DSCC1: variants seen among roughly 807,000 people sequenced by gnomAD.
DSCC1 encodes the protein DNA replication and sister chromatid cohesion 1.
A neutral mutation model predicts 48.2 loss-of-function variants in DSCC1; 32 were observed. That is an observed-to-expected ratio of 0.66 (90% CI 0.50 to 0.89). DSCC1 has a LOEUF of 0.89. DSCC1 is among the 40% of genes least tolerant of loss of function. The probability of loss-of-function intolerance (pLI) is 0.00; values close to 1 mark genes in which losing one functional copy is unlikely to be tolerated. For synonymous variants in DSCC1, 150 were observed against 171.5 expected (o/e 0.87, Z 0.98); for missense variants, 421 against 471.7 (o/e 0.89, Z 1.00).
intron 3 of DSCC1, among the ~76,000 whole-genome samples, chr8:119,849,456 T>C (rs1372254495): frequency 6.6e-6 from 1 of 152,090 alleles, no homozygotes; most frequent in Non-Finnish European, 1.5e-5. Flanking sequence ...TAAATGAACC[T>C]TGAAATGATC....
intron 7 of DSCC1, among the ~76,000 whole-genome samples, chr8:119,840,572 G>T (rs2131296146): frequency 6.6e-6 from 1 of 152,332 alleles, no homozygotes; most frequent in East Asian, 1.9e-4. Flanking sequence ...TATAGGCCAA[G>T]ACATGAATTC....
chr8:119,837,508 C>A (rs1005076681), intron 8 of DSCC1, among the ~76,000 whole-genome samples: 4 of 152,092 alleles, frequency 2.6e-5, no homozygotes, highest in African/African-American at 9.7e-5. Flanking sequence ...AGAAGAAGCT[C>A]CAAGGGTAGA....
In DSCC1 at chr8:119,850,460, C is replaced by A; in HGVS notation, c.408G>T (p.Lys136Asn). ...TTTCCATCAAAAGTTTCTTTAGCTT[C>A]TTTAACTTGGGTCTACGTCTTCTTA... ...WELRRRRPKL[K>N]KLKKLLMENP... The change falls in exon 3 of 9, where the codon AAG becomes AAT. Residue 136 changes from lysine (K) to asparagine (N), a missense_variant. This residue lies in a region of DSCC1 where 174 missense variants were observed against 184.5 expected (regional missense o/e 0.94). Coordinates refer to ENST00000313655, the MANE Select transcript of DSCC1 (RefSeq NM_024094.3). The A allele has an allele frequency of 6.2e-7, 1 of 1,601,210 alleles. No homozygotes were observed. Among genetic ancestry groups the A allele is most frequent in the Non-Finnish European group, 8.5e-7 (1 of 1,175,382 alleles).
chr8:119,841,878 C>T lies in DSCC1; in HGVS notation c.840G>A (p.Ala280=). The change falls in exon 7 of 9, where the codon GCG becomes GCA. Residue 280 remains alanine, a synonymous_variant. Coordinates refer to ENST00000313655, the MANE Select transcript of DSCC1 (RefSeq NM_024094.3). ...RAAARMLLQN[A]VKFNLAEFQE... ...GAAACTCAGCGAGATTGAATTTCACCGCATTCTGAAGTAGCATTCGTGCTG... is the reference window on the plus strand; with the variant it reads ...GAAACTCAGCGAGATTGAATTTCACTGCATTCTGAAGTAGCATTCGTGCTG... 2 of 1,614,108 alleles carry T rather than the reference C, an allele frequency of 1.2e-6. No homozygotes were observed. Among genetic ancestry groups the T allele is most frequent in the Non-Finnish European group, 1.7e-6 (2 of 1,180,020 alleles).
intron 1 of DSCC1, 137 bp downstream of exon 1, chr8:119,855,477 C>T: frequency 8.0e-7 from 1 of 1,252,746 alleles, no homozygotes; most frequent in Non-Finnish European, 1.1e-6. Context: ...GTGGACTCCT[C>T]GGGAACAGGC....
chr8:119,847,179 C>T (rs1381818186), intron 3 of DSCC1, 99 bp from the exon 4 acceptor site: 2 of 951,986 alleles, frequency 2.1e-6, no homozygotes, highest in South Asian at 1.5e-5. Context: ...CAGATTAAGG[C>T]AATATTTATG....
chr8:119,845,157 C>T (rs2131302331), intron 4 of DSCC1, among the ~76,000 whole-genome samples: 1 of 152,130 alleles, frequency 6.6e-6, no homozygotes, highest in South Asian at 2.1e-4. Flanking sequence ...ACGATCTCAG[C>T]TCACTGCAAC....
chr8:119,851,768 C>T (rs1239911239), intron 2 of DSCC1, among the ~76,000 whole-genome samples: 5 of 152,088 alleles, frequency 3.3e-5, no homozygotes, highest in African/African-American at 1.2e-4. Context: ...TATTTCTCAT[C>T]TAACCCCTTT....
At chr8:119,842,392 C>G (rs879920195) in intron 6 of DSCC1, among the ~76,000 whole-genome samples, 1 of 72,960 alleles carries the variant, frequency 1.4e-5, no homozygotes, top group Non-Finnish European at 2.9e-5. Flanking sequence ...TTTTTTTTTT[C>G]TTTCTGAGAG....
Position 119,838,278 on chromosome 8 carries a change from C to T in DSCC1, c.1054G>A (p.Asp352Asn). ...FSLREKWTEE[D>N]IAPYIQDLCG... The stretch of plus-strand genomic sequence containing the variant: ...ACTTACTGAATATATGGAGCAATAT[C>T]TTCTTCTGTCCACTTCTCCCTTAGA... The change falls in exon 8 of 9, where the codon GAT (aspartate) becomes AAT (asparagine). Residue 352 changes from aspartate to asparagine, a missense_variant. Asp to Asn is a conservative substitution (Grantham distance 23, BLOSUM62 1). Around this residue, in one of 3 missense-constraint regions of DSCC1, gnomAD observed 238 missense variants for 259.0 expected, o/e 0.92. Transcript: ENST00000313655. The T allele has an allele frequency of 6.3e-7, 1 of 1,596,062 alleles. No individual in the cohort carries two copies. The highest frequency in any genetic ancestry group is 1.3e-5 in the African/African-American group (1 of 74,328).
intron 7 of DSCC1, among the ~76,000 whole-genome samples, chr8:119,841,116 C>T (rs972837268): frequency 6.6e-6 from 1 of 151,654 alleles, no homozygotes; most frequent in Non-Finnish European, 1.5e-5. Flanking sequence ...CTCAGTCTCC[C>T]GAGTAACTAG....
In DSCC1 at chr8:119,853,183, G is replaced by A. The variant is rs771421954; in HGVS notation, c.215C>T (p.Ala72Val). ...LVIRGDKDEQAVLCSKDKTYD... is the reference protein window; with the variant it reads ...LVIRGDKDEQVVLCSKDKTYD... ...TGTTTTGTCTTTACTGCACAGCACAGCTTGCTCGTCTTTATCACCACGAAT... is the reference window on the plus strand; with the variant it reads ...TGTTTTGTCTTTACTGCACAGCACAACTTGCTCGTCTTTATCACCACGAAT... Residue 72 changes from alanine to valine, a missense_variant, in exon 2 of 9, where the codon GCT becomes GTT. By Grantham distance (64) the Ala-to-Val change is moderately conservative (BLOSUM62 0). Coordinates refer to ENST00000313655, the MANE Select transcript of DSCC1 (RefSeq NM_024094.3). 3.1e-6 allele frequency: 5 copies of A among 1,611,876 alleles called. No homozygotes were observed. In the South Asian group the frequency reaches 4.4e-5, roughly 14 times the overall value.
intron 2 of DSCC1, 122 bp downstream of exon 2, chr8:119,852,925 A>G (rs1826961780): frequency 3.4e-6 from 3 of 877,756 alleles, no homozygotes; most frequent in Non-Finnish European, 4.8e-6. Context: ...AAATTTCTTT[A>G]AAGAACTTCT....
Position 119,855,626 on chromosome 8 carries a change from T to A in DSCC1, c.170A>T (p.Glu57Val). ...ELEPTLCQQL[E>V]DGHSLVIRGD... The stretch of plus-strand genomic sequence containing the variant: ...GACCAGGGCTCACCTGTGTCCATCC[T>A]CCAGCTGCTGGCACAGCGTGGGCTC... The change falls in exon 1 of 9, where the codon GAG (glutamate) becomes GTG (valine). Residue 57 changes from glutamate to valine, a missense_variant. Physicochemically the swap from Glu to Val is moderately radical, Grantham distance 121 (BLOSUM62 -2). Around this residue, in one of 3 missense-constraint regions of DSCC1, gnomAD observed 174 missense variants for 184.5 expected, o/e 0.94. Transcript: ENST00000313655. 6.5e-7 allele frequency: 1 copy of A among 1,545,360 alleles called. No individual in the cohort carries two copies. Among genetic ancestry groups the A allele is most frequent in the African/African-American group, 1.4e-5 (1 of 72,794 alleles).
At chr8:119,853,293 CTCTAGGCTTGCAGAACTTAGAAT>C (rs113328525) in intron 1 of DSCC1, 78 bp from the exon 2 acceptor site, 44,314 of 1,444,864 alleles carry the variant, frequency 0.031, 1,411 homozygotes, top group South Asian at 0.13. Flanking sequence ...TTCTCAAACC[CTCTAGGCTTGCAGAACTTAGAAT>C]TAAGTTTTGA....
In DSCC1 at chr8:119,842,815, G is replaced by A. The variant is rs1826793002; in HGVS notation, c.730C>T (p.His244Tyr). Residue 244 changes from histidine to tyrosine, a missense_variant, in exon 6 of 9, where the codon CAC (histidine) becomes TAC (tyrosine). Transcript: ENST00000313655. Reference protein sequence around the residue: ...GPLEPEEMIEHCLKCYGKKYV... With the variant: ...GPLEPEEMIEYCLKCYGKKYV... The stretch of plus-strand genomic sequence containing the variant: ...TTCTTCCCATAACATTTAAGACAGT[G>A]TTCTATCATTTCCCTGAAAAATTTA... The A allele has an allele frequency of 6.3e-7, 1 of 1,594,662 alleles. No homozygotes were observed. The highest frequency in any genetic ancestry group is 1.4e-5 in the African/African-American group (1 of 73,140).
chr8:119,855,208 A>C (rs934963389), intron 1 of DSCC1, among the ~76,000 whole-genome samples: 1 of 152,230 alleles, frequency 6.6e-6, no homozygotes, highest in Non-Finnish European at 1.5e-5. Flanking sequence ...GATTCCCAGC[A>C]CTTCCTATCT....
intron 3 of DSCC1, among the ~76,000 whole-genome samples, chr8:119,848,913 G>A (rs1032926939): frequency 9.2e-5 from 14 of 151,982 alleles, no homozygotes; most frequent in East Asian, 2.0e-4. Flanking sequence ...GGCCGGGCGC[G>A]GTGGCTCAAG....
Position 119,843,592 on chromosome 8 carries a change from G to T in DSCC1, c.716+17C>A, listed in dbSNP as rs1563944555. The T allele has an allele frequency of 3.1e-6, 5 of 1,596,226 alleles. No individual in the cohort carries two copies. Among genetic ancestry groups the T allele is most frequent in the Non-Finnish European group, 4.3e-6 (5 of 1,175,584 alleles). On this transcript the variant is annotated intron_variant, in intron 5 of 8. Coordinates refer to ENST00000313655, the MANE Select transcript of DSCC1 (RefSeq NM_024094.3). Reference sequence around the variant, plus strand: ...CCCTTAAGGAAATCTGGATAGACAAGAAATTAAAATACTTACTCTGGCTCC... The same window carrying T: ...CCCTTAAGGAAATCTGGATAGACAATAAATTAAAATACTTACTCTGGCTCC...
Sources: allele counts gnomAD v4.1 joint callset (sites outside exome capture counted in the v4.1 genomes callset), GRCh38; gene constraint gnomAD v4.1.1; regional missense constraint gnomAD v4.1.1; transcripts MANE v1.5; gene names NCBI Gene and HGNC (gene_info 2026-07-23, HGNC 2026-07-21).